PTPRJ: variants seen among roughly 807,000 people sequenced by gnomAD.
PTPRJ encodes receptor-type tyrosine-protein phosphatase eta.
In PTPRJ, 129 loss-of-function variants were observed where a neutral mutation model predicts 141.3. The ratio of observed to expected loss-of-function variants is 0.91; its 90% CI spans 0.79 to 1.06. The LOEUF (loss-of-function observed/expected upper bound fraction) is 1.06, where lower values mean the gene tolerates loss of function less well. PTPRJ is among the 50% of genes least tolerant of loss of function. PTPRJ has a pLI of 0.00. For synonymous variants in PTPRJ, 610 were observed against 640.5 expected (o/e 0.95, Z 0.72); for missense variants, 1,601 against 1,679.7 (o/e 0.95, Z 0.82).
chr11:48,050,632 C>T (rs1854540694), intron 1 of PTPRJ, among the ~76,000 whole-genome samples: 1 of 152,098 alleles, frequency 6.6e-6, no homozygotes, highest in Non-Finnish European at 1.5e-5. Context: ...GTTCATTGAA[C>T]ATTAGAGCAT....
intron 1 of PTPRJ, among the ~76,000 whole-genome samples, chr11:47,994,934 A>G (rs1272983303): frequency 6.6e-6 from 1 of 152,136 alleles, no homozygotes; most frequent in East Asian, 1.9e-4. Flanking sequence ...GGGGTGTGAG[A>G]GCGCTCCTTG....
Position 48,064,840 on chromosome 11 carries a change from C to T in PTPRJ, c.97-45218C>T, listed in dbSNP as rs563169982. Among the ~76,000 whole-genome samples, 10 of 151,696 alleles carry T rather than the reference C, an allele frequency of 6.6e-5. No individual in the cohort carries two copies. The South Asian group carries it at 1.0e-3, about 16-fold the overall frequency. On this transcript the variant is annotated intron_variant, in intron 1 of 24. Transcript: ENST00000418331. ...TTTGCCATGTTGGTCAGGATGGTCT[C>T]GAACTCCTGACCTCAGGTGATTCAC...
At chr11:48,147,757 G>T (rs557286218) in intron 15 of PTPRJ, among the ~76,000 whole-genome samples, 2 of 152,278 alleles carry the variant, frequency 1.3e-5, no homozygotes, top group South Asian at 4.1e-4. Flanking sequence ...TGCCTTAGGG[G>T]TCCTCATGCG....
intron 1 of PTPRJ, among the ~76,000 whole-genome samples, chr11:48,059,324 T>C (rs1021244534): frequency 6.6e-6 from 1 of 152,108 alleles, no homozygotes; most frequent in Admixed American, 6.6e-5. Context: ...GGTTTCATCA[T>C]GTTGGCCAGG....
chr11:48,109,952 C>T (rs925227512), intron 1 of PTPRJ, 106 bp from the exon 2 acceptor site: 33 of 1,313,468 alleles, frequency 2.5e-5, no homozygotes, highest in Non-Finnish European at 3.3e-5. Context: ...TAATGTGCTT[C>T]TTACCACCCC....
At position 47,993,852 on chromosome 11, in the gene PTPRJ, G is replaced by T. The variant is rs575500633; in HGVS notation, c.96+12844G>T. Among the ~76,000 whole-genome samples, 5 of 150,082 alleles carry T rather than the reference G, an allele frequency of 3.3e-5. No individual in the cohort carries two copies. In the South Asian group the frequency reaches 1.1e-3, roughly 32 times the overall value. On this transcript the variant is annotated intron_variant, in intron 1 of 24. Coordinates refer to ENST00000418331, the MANE Select transcript of PTPRJ (RefSeq NM_002843.4). ...GTTCATTTTTTTTTTTTTTTGAGAG[G>T]CAGTCTCGCTCTGTTGCCCAGGCTG...
chr11:48,135,120 C>T (rs753181301), intron 8 of PTPRJ, among the ~76,000 whole-genome samples: 5 of 151,560 alleles, frequency 3.3e-5, no homozygotes, highest in Non-Finnish European at 5.9e-5. Flanking sequence ...TACCAGCACC[C>T]ATATAAAAAA....
At chr11:48,149,296 G>C (rs1467574873) in intron 15 of PTPRJ, 151 bp from the exon 16 acceptor site, 9 of 647,996 alleles carry the variant, frequency 1.4e-5, no homozygotes, top group Middle Eastern at 5.0e-4. Flanking sequence ...TTTAGTATTA[G>C]GGGGCAGGAT....
chr11:48,136,219 G>A lies in PTPRJ; in HGVS notation c.1796G>A (p.Gly599Asp), dbSNP rs750877077. 1 of 1,614,176 alleles carries A rather than the reference G, an allele frequency of 6.2e-7. No homozygotes were observed. ...KAITLQGLIP[G>D]TLYNITISPE... ...ATTACTCTCCAGGGCCTGATTCCGG[G>A]CACCTTATATAACATCACCATCTCT... Residue 599 changes from glycine (G) to aspartate (D), a missense_variant, in exon 9 of 25, where the codon GGC (glycine) becomes GAC (aspartate). Physicochemically the swap from Gly to Asp is moderately conservative, Grantham distance 94 (BLOSUM62 -1). Transcript: ENST00000418331.
At chr11:48,089,362 G>A (rs1303208925) in intron 1 of PTPRJ, among the ~76,000 whole-genome samples, 2 of 151,904 alleles carry the variant, frequency 1.3e-5, no homozygotes, top group East Asian at 1.9e-4. Flanking sequence ...CTAAAAATAC[G>A]AAAACTATCC....
At chr11:48,072,010 G>T (rs1855273054) in intron 1 of PTPRJ, among the ~76,000 whole-genome samples, 1 of 151,278 alleles carries the variant, frequency 6.6e-6, no homozygotes, top group South Asian at 2.1e-4. Context: ...GGTTCAAGCG[G>T]TTCTTCTGCT....
Position 48,121,086 on chromosome 11 carries a change from G to T in PTPRJ, c.436G>T (p.Ala146Ser). 1.2e-6 allele frequency: 2 copies of T among 1,613,844 alleles called. No individual in the cohort carries two copies. Among genetic ancestry groups the T allele is most frequent in the Non-Finnish European group, 1.7e-6 (2 of 1,179,920 alleles). Residue 146 changes from alanine (A) to serine (S), a missense_variant, in exon 4 of 25, where the codon GCT becomes TCT. Transcript: ENST00000418331. ...AACTTGGAAAAGTAATGACACAGCT[G>T]CTTCTGAGTACAAGTATGTAGTAAA... ...ILTWKSNDTA[A>S]SEYKYVVKHK...
At chr11:48,042,207 AG>A (rs1854287789) in intron 1 of PTPRJ, among the ~76,000 whole-genome samples, 1 of 152,142 alleles carries the variant, frequency 6.6e-6, no homozygotes, top group Non-Finnish European at 1.5e-5. Flanking sequence ...TTATGTTATA[AG>A]GGGTCTCTTC....
chr11:48,051,699 C>T (rs1326765543), intron 1 of PTPRJ, among the ~76,000 whole-genome samples: 1 of 152,184 alleles, frequency 6.6e-6, no homozygotes, highest in East Asian at 1.9e-4. Context: ...GGAGTGAGAC[C>T]TCTACCTAGT....
intron 1 of PTPRJ, among the ~76,000 whole-genome samples, chr11:48,022,750 G>A (rs1398904624): frequency 6.6e-6 from 1 of 152,142 alleles, no homozygotes; most frequent in African/African-American, 2.4e-5. Flanking sequence ...GAGCAGCGTG[G>A]GTTCATTTCA....
chr11:48,039,881 C>A (rs992719160), intron 1 of PTPRJ, among the ~76,000 whole-genome samples: 1 of 152,024 alleles, frequency 6.6e-6, no homozygotes, highest in Non-Finnish European at 1.5e-5. Flanking sequence ...CTCCGCTTCC[C>A]GGGTTCAAGC....
At chr11:48,074,949 G>A (rs1332100521) in intron 1 of PTPRJ, among the ~76,000 whole-genome samples, 1 of 152,118 alleles carries the variant, frequency 6.6e-6, no homozygotes, top group Non-Finnish European at 1.5e-5. Context: ...GTGAGGTGCA[G>A]TGAAGGGGAA....
In PTPRJ at chr11:48,153,878, T is replaced by C. The variant is rs773636614; in HGVS notation, c.3221T>C (p.Val1074Ala). ...ENRGKNRYNN[V>A]LPYDISRVKL... is the part of the protein sequence containing the mutation. ...AGAGGAAAGAATCGCTATAATAATG[T>C]TCTGCCCTGTAAGTTATTTTATCTA... Residue 1074 changes from valine (V) to alanine (A), a missense_variant, in exon 19 of 25, where the codon GTT becomes GCT. Transcript: ENST00000418331. The C allele has an allele frequency of 6.2e-7, 1 of 1,609,226 alleles. No individual in the cohort carries two copies. The highest frequency in any genetic ancestry group is 8.5e-7 in the Non-Finnish European group (1 of 1,175,618).
intron 1 of PTPRJ, among the ~76,000 whole-genome samples, chr11:48,019,257 C>A (rs1348723745): frequency 6.6e-6 from 1 of 152,152 alleles, no homozygotes; most frequent in East Asian, 1.9e-4. Context: ...AGAGGATTTT[C>A]AGTGACGAGG....
Sources: gnomAD v4.1 joint callset for allele counts (sites outside exome capture counted in the v4.1 genomes callset) on GRCh38, gnomAD v4.1.1 for gene constraint, MANE v1.5 for transcripts, NCBI Gene and HGNC (gene_info 2026-07-23, HGNC 2026-07-21) for gene names.